GMEB1: variants seen among roughly 807,000 people sequenced by gnomAD.
GMEB1 encodes glucocorticoid modulatory element-binding protein 1.
Under a neutral mutation model 52.4 loss-of-function variants are expected in GMEB1, and 6 were observed. The ratio of observed to expected loss-of-function variants is 0.11; its 90% CI spans 0.06 to 0.23. GMEB1 has a LOEUF of 0.23. Ranked by LOEUF, GMEB1 falls within the 10% of genes least tolerant of loss-of-function variation. The pLI is 1.00. For synonymous variants in GMEB1, 255 were observed against 244.9 expected, an observed-to-expected ratio of 1.04 and a Z score of -0.38; for missense variants, 486 against 685.6, an observed-to-expected ratio of 0.71 and a Z score of 3.25.
intron 5 of GMEB1, among the ~76,000 whole-genome samples, chr1:28,695,862 C>A (rs1670177250): frequency 7.9e-6 from 1 of 126,954 alleles, no homozygotes; most frequent in Admixed American, 8.9e-5. Context: ...TGGCGTGAAC[C>A]CGGGAGGCGG....
At chr1:28,692,811 G>A (rs1670026557) in intron 4 of GMEB1, 131 bp from the exon 5 acceptor site, 1 of 471,224 alleles carries the variant, frequency 2.1e-6, no homozygotes. Context: ...CAGGAGGTTG[G>A]ATAATACAAG....
chr1:28,691,559 A>G, intron 3 of GMEB1, 26 bp from the exon 4 acceptor site: 2 of 1,487,556 alleles, frequency 1.3e-6, no homozygotes, highest in Middle Eastern at 1.8e-4. Flanking sequence ...TGTTTGATAA[A>G]TAACTGATAT....
At position 28,709,929 on chromosome 1, in the gene GMEB1, A is replaced by G. The variant is rs191375381; in HGVS notation, c.869-591A>G. Among the ~76,000 whole-genome samples the G allele has an allele frequency of 3.6e-3, 552 of 152,132 alleles. 6 individuals are homozygous for G. The highest frequency in any genetic ancestry group is 0.013 in the African/African-American group (530 of 41,526). On this transcript the variant is annotated intron_variant, in intron 8 of 9. Transcript: ENST00000373816. Reference sequence around the variant, plus strand: ...TTTGGGAGGCTGAGGTGGGTGGATCAAAAGGTCAGGAGTTCGAGACCAGCC... The same window carrying G: ...TTTGGGAGGCTGAGGTGGGTGGATCGAAAGGTCAGGAGTTCGAGACCAGCC...
At chr1:28,676,143 A>T (rs1375298661) in intron 1 of GMEB1, among the ~76,000 whole-genome samples, 1 of 152,154 alleles carries the variant, frequency 6.6e-6, no homozygotes, top group Admixed American at 6.6e-5. Context: ...CCTATTGAGG[A>T]AGGTATTAAG....
chr1:28,702,848 G>A (rs1355058479), intron 7 of GMEB1, among the ~76,000 whole-genome samples: 1 of 151,804 alleles, frequency 6.6e-6, no homozygotes, highest in Non-Finnish European at 1.5e-5. Context: ...TCAGGAGATC[G>A]AGACCATCCT....
In GMEB1 at chr1:28,687,374, ACACACACAC is replaced by A. The variant is rs1557504219; in HGVS notation, c.129-2729_129-2721del. Among the ~76,000 whole-genome samples, 148 of 118,130 alleles carry A rather than the reference ACACACACAC, an allele frequency of 1.3e-3. 13 individuals carry two copies. Among genetic ancestry groups the A allele is most frequent in the Non-Finnish European group, 2.0e-3 (114 of 56,050 alleles). 77.5% of individuals were successfully genotyped at this position (118,130 alleles called of 152,430 possible). ...CACACACACACACACACACACACAC[ACACACACAC>A]ACACAAAAAAAGACAGTGGAGAATA... On this transcript the variant is annotated intron_variant, in intron 2 of 9. Transcript: ENST00000373816.
chr1:28,695,938 CAAAAAAAAAAAAAAAAAAA>C (rs58978972), intron 5 of GMEB1, among the ~76,000 whole-genome samples: 6 of 41,054 alleles, frequency 1.5e-4, no homozygotes, highest in East Asian at 6.4e-4. Flanking sequence ...GACTCCGTCT[CAAAAAAAAAAAAAAAAAAA>C]AAAAAAAAAA....
intron 7 of GMEB1, among the ~76,000 whole-genome samples, chr1:28,703,687 A>T (rs1013474782): frequency 2.6e-5 from 4 of 152,002 alleles, no homozygotes; most frequent in African/African-American, 7.2e-5. Context: ...ATAAAAAAAT[A>T]AAAAAAGAAA....
At chr1:28,701,702 G>C (rs543812743) in intron 6 of GMEB1, among the ~76,000 whole-genome samples, 2 of 152,048 alleles carry the variant, frequency 1.3e-5, no homozygotes, top group Non-Finnish European at 1.5e-5. Context: ...CTGAGTAGCT[G>C]TAACTACAGA....
chr1:28,671,623 G>A (rs1384905423), intron 1 of GMEB1, among the ~76,000 whole-genome samples: 9 of 151,466 alleles, frequency 5.9e-5, no homozygotes, highest in African/African-American at 2.2e-4. Flanking sequence ...AGTTGCCTGT[G>A]GTCCCAGCTA....
At chr1:28,705,472 C>T (rs1268071578) in intron 8 of GMEB1, among the ~76,000 whole-genome samples, 4 of 138,206 alleles carry the variant, frequency 2.9e-5, no homozygotes, top group Admixed American at 1.5e-4. Flanking sequence ...TTTCCTGAGA[C>T]GGAGTTTCAC....
At chr1:28,687,774 T>C (rs2124497883) in intron 2 of GMEB1, among the ~76,000 whole-genome samples, 1 of 151,968 alleles carries the variant, frequency 6.6e-6, no homozygotes, top group South Asian at 2.1e-4. Flanking sequence ...AAGTGATGCA[T>C]CTAGCAGGAT....
chr1:28,707,300 A>C (rs1042705890), intron 8 of GMEB1, among the ~76,000 whole-genome samples: 1 of 152,022 alleles, frequency 6.6e-6, no homozygotes, highest in African/African-American at 2.4e-5. Flanking sequence ...GAGATTTAAA[A>C]TTTTAAATCT....
At chr1:28,692,016 CTTT>C (rs1263190636) in intron 4 of GMEB1, among the ~76,000 whole-genome samples, 1 of 133,970 alleles carries the variant, frequency 7.5e-6, no homozygotes. Flanking sequence ...CCTTGGCTTT[CTTT>C]TTTTTTTTTT....
At chr1:28,678,498 A>T (rs1262509071) in intron 1 of GMEB1, among the ~76,000 whole-genome samples, 1 of 151,924 alleles carries the variant, frequency 6.6e-6, no homozygotes, top group African/African-American at 2.4e-5. Context: ...TTTAGTAGAG[A>T]TGGGGTTTTA....
At position 28,696,996 on chromosome 1, in the gene GMEB1, C is replaced by T. The variant is rs772244689; in HGVS notation, c.510C>T (p.Ser170=). The stretch of plus-strand genomic sequence containing the variant: ...AAGTTTGCTCCAATACCTGCAGAAG[C>T]ACCAAATTTGATCTTCTGATCAGCA... ...HDKVCSNTCR[S]TKFDLLISSA... is the part of the protein sequence containing the mutation. The change falls in exon 6 of 10, where the codon AGC becomes AGT. Residue 170 remains serine (S), a synonymous_variant. Transcript: ENST00000373816. 6.2e-7 allele frequency: 1 copy of T among 1,610,362 alleles called. No homozygotes were observed. The highest frequency in any genetic ancestry group is 8.5e-7 in the Non-Finnish European group (1 of 1,177,912).
intron 8 of GMEB1, among the ~76,000 whole-genome samples, chr1:28,706,977 G>GA (rs1400064023): frequency 2.4e-5 from 2 of 82,748 alleles, no homozygotes; most frequent in Non-Finnish European, 4.3e-5. Flanking sequence ...TCCAGATTTG[G>GA]TTTTTTTTTT....
chr1:28,708,620 C>T (rs1670895998), intron 8 of GMEB1, among the ~76,000 whole-genome samples: 1 of 151,760 alleles, frequency 6.6e-6, no homozygotes, highest in Non-Finnish European at 1.5e-5. Context: ...CACCACCACG[C>T]CTGGCCAATT....
rs1439790151 is a variant in GMEB1, at chr1:28,675,018, C to CTT, written c.-31+6195_-31+6196dup. ...ACAGGCGTGAGCCACCGCGCCCGGC[C>CTT]TTTTTTTTTTTTTTTTTGAGACGGA... On this transcript the variant is annotated intron_variant, in intron 1 of 9. Coordinates refer to ENST00000373816, the MANE Select transcript of GMEB1 (RefSeq NM_001319674.2). Among the ~76,000 whole-genome samples, 109 of 81,462 alleles carry CTT rather than the reference C, an allele frequency of 1.3e-3. 1 individual carries two copies. The highest frequency in any genetic ancestry group is 1.7e-3 in the African/African-American group (34 of 20,584). 53.4% of individuals were successfully genotyped at this position (81,462 alleles called of 152,430 possible).
Sources: gnomAD v4.1 joint callset for allele counts (sites outside exome capture counted in the v4.1 genomes callset) on GRCh38, gnomAD v4.1.1 for gene constraint, MANE v1.5 for transcripts, NCBI Gene and HGNC (gene_info 2026-07-23, HGNC 2026-07-21) for gene names.